EGF: variants seen among roughly 807,000 people sequenced by gnomAD.
EGF encodes the protein pro-epidermal growth factor.
Under a neutral mutation model 143.8 loss-of-function variants are expected in EGF, and 95 were observed. The ratio of observed to expected loss-of-function variants is 0.66; its 90% CI spans 0.56 to 0.78. The LOEUF is 0.78. EGF is among the 30% of genes least tolerant of loss of function. The probability of loss-of-function intolerance (pLI) is 0.00; values close to 1 mark genes in which losing one functional copy is unlikely to be tolerated. For missense variants in EGF, 1,320 were observed against 1,470.9 expected (o/e 0.90, Z 1.68); for synonymous variants, 510 against 510.5 (o/e 1.00, Z 0.01).
At chr4:109,961,332 A>T (rs1745661374) in intron 7 of EGF, among the ~76,000 whole-genome samples, 1 of 152,232 alleles carries the variant, frequency 6.6e-6, no homozygotes. Flanking sequence ...TTCCTGGGTG[A>T]TGGAGTGAGA....
chr4:109,980,737 A>G, intron 14 of EGF, 89 bp from the exon 15 acceptor site: 3 of 1,452,484 alleles, frequency 2.1e-6, no homozygotes, highest in Non-Finnish European at 2.9e-6. Flanking sequence ...TAAAAGCTAT[A>G]GCTCCCTAAA....
chr4:110,008,720 C>A (rs375486836), intron 23 of EGF, among the ~76,000 whole-genome samples: 3 of 152,160 alleles, frequency 2.0e-5, no homozygotes, highest in African/African-American at 7.2e-5. Flanking sequence ...CTTAGCCAGA[C>A]GCCTGGCTGT....
At chr4:110,002,850 T>G (rs1490363129) in intron 21 of EGF, among the ~76,000 whole-genome samples, 2 of 152,154 alleles carry the variant, frequency 1.3e-5, no homozygotes, top group African/African-American at 4.8e-5. Context: ...GTGTCTGTTG[T>G]TCCTTTCTTT....
intron 23 of EGF, 142 bp downstream of exon 23, chr4:110,008,372 G>A (rs758048969): frequency 1.2e-5 from 13 of 1,049,402 alleles, no homozygotes; most frequent in Non-Finnish European, 1.7e-5. Flanking sequence ...TAGCTGGGCT[G>A]TATTGAAATG....
At chr4:109,914,489 A>T (rs1286550129) in intron 1 of EGF, among the ~76,000 whole-genome samples, 3 of 152,198 alleles carry the variant, frequency 2.0e-5, no homozygotes, top group Admixed American at 6.5e-5. Context: ...CTCTCCCATT[A>T]AGGAAGTTCC....
At chr4:109,949,422 G>C (rs543319300) in intron 5 of EGF, among the ~76,000 whole-genome samples, 8 of 152,152 alleles carry the variant, frequency 5.3e-5, no homozygotes, top group African/African-American at 1.4e-4. Context: ...AAAACCTTTC[G>C]GGGCCAAGTG....
At chr4:110,002,889 C>T (rs1405669041) in intron 21 of EGF, among the ~76,000 whole-genome samples, 1 of 152,120 alleles carries the variant, frequency 6.6e-6, no homozygotes, top group East Asian at 1.9e-4. Flanking sequence ...CATTTAGCTC[C>T]CACTTAGAAG....
chr4:109,917,175 C>G (rs1736809522), intron 1 of EGF, among the ~76,000 whole-genome samples: 2 of 152,234 alleles, frequency 1.3e-5, no homozygotes, highest in Admixed American at 6.5e-5. Context: ...TATTTTTGCC[C>G]ATGTGTGGAA....
Position 109,913,238 on chromosome 4 carries a change from A to C in EGF, c.-98A>C. Reference sequence around the variant, plus strand: ...TGCCCCAGGGCTGAGGCCTCCGCTCAGGCAGCCGCATCTGGGGTCAATCAT... The same window carrying C: ...TGCCCCAGGGCTGAGGCCTCCGCTCCGGCAGCCGCATCTGGGGTCAATCAT... On this transcript the variant is annotated 5_prime_UTR_variant, in exon 1 of 24. Coordinates refer to ENST00000265171, the MANE Select transcript of EGF (RefSeq NM_001963.6). The C allele has an allele frequency of 2.6e-6, 4 of 1,513,494 alleles. No homozygotes were observed. Among genetic ancestry groups the C allele is most frequent in the Non-Finnish European group, 2.7e-6 (3 of 1,096,204 alleles). 93.8% of individuals were successfully genotyped at this position (1,513,494 alleles called of 1,614,324 possible).
In EGF at chr4:109,994,803, TC is replaced by T. The variant is rs1196056356; in HGVS notation, c.2932del (p.Leu978CysfsTer40). The T allele has an allele frequency of 1.2e-6, 2 of 1,614,102 alleles. No individual in the cohort carries two copies. Among genetic ancestry groups the T allele is most frequent in the South Asian group, 2.2e-5 (2 of 91,074 alleles). ...CCGTAAGAAATAGTGACTCTGAATG[TC>T]CCCTGTCCCACGATGGGTACTGCCT... ...YSVRNSDSECPLSHDGYCLHD... is the reference protein window; with the variant it reads ...YSVRNSDSECXLSHDGYCLHD... On this transcript the variant is annotated frameshift_variant, in exon 20 of 24. Coordinates refer to ENST00000265171, the MANE Select transcript of EGF (RefSeq NM_001963.6). LOFTEE classifies it high-confidence loss of function.
intron 21 of EGF, among the ~76,000 whole-genome samples, chr4:110,002,956 C>T (rs1014142750): frequency 1.3e-5 from 2 of 152,184 alleles, no homozygotes; most frequent in Non-Finnish European, 2.9e-5. Context: ...AGAATAATAG[C>T]CTCCAGCTCC....
In EGF at chr4:109,943,875, C is replaced by T. The variant is rs1742350568; in HGVS notation, c.543C>T (p.Ser181=). Residue 181 remains serine (S), a synonymous_variant, in exon 4 of 24, where the codon AGC becomes AGT. Transcript: ENST00000265171. ...TTTGGTCTTCAGAGGTGGCTGGAAGCCTTTATAGAGCAGATCTCGATGGTG... is the reference window on the plus strand; with the variant it reads ...TTTGGTCTTCAGAGGTGGCTGGAAGTCTTTATAGAGCAGATCTCGATGGTG... ...FIFWSSEVAG[S]LYRADLDGVG... is the part of the protein sequence containing the mutation. The T allele has an allele frequency of 1.9e-6, 3 of 1,613,930 alleles. No homozygotes were observed. The highest frequency in any genetic ancestry group is 1.7e-5 in the Admixed American group (1 of 59,984).
intron 19 of EGF, among the ~76,000 whole-genome samples, chr4:109,993,665 G>T (rs1751360604): frequency 6.6e-6 from 1 of 151,916 alleles, no homozygotes; most frequent in African/African-American, 2.4e-5. Flanking sequence ...GTCAATTTGT[G>T]GGGCTGCTGG....
intron 18 of EGF, among the ~76,000 whole-genome samples, chr4:109,989,893 C>T (rs1214608218): frequency 6.6e-6 from 1 of 152,076 alleles, no homozygotes; most frequent in East Asian, 1.9e-4. Context: ...AGTGGGCTTG[C>T]TCCTCTATTC....
intron 18 of EGF, among the ~76,000 whole-genome samples, chr4:109,991,195 T>C (rs1411178745): frequency 6.8e-6 from 1 of 147,952 alleles, no homozygotes; most frequent in Admixed American, 6.7e-5. Flanking sequence ...TGTATTCAAA[T>C]ATATCCAAAA....
At position 109,960,814 on chromosome 4, in the gene EGF, A is replaced by G. The variant is rs11568936; in HGVS notation, c.1067-53A>G. On this transcript the variant is annotated intron_variant, in intron 6 of 23. Transcript: ENST00000265171. ...GTGATGACTTATTAGTGATAGCACAATTTATTTTCAAAAATAGCCATTTGA... is the reference window on the plus strand; with the variant it reads ...GTGATGACTTATTAGTGATAGCACAGTTTATTTTCAAAAATAGCCATTTGA... 160 of 1,611,102 alleles carry G rather than the reference A, an allele frequency of 9.9e-5. 1 individual carries two copies. In the African/African-American group the frequency reaches 1.7e-3, roughly 17 times the overall value.
At chr4:109,928,225 A>G (rs1334086448) in intron 1 of EGF, among the ~76,000 whole-genome samples, 1 of 152,220 alleles carries the variant, frequency 6.6e-6, no homozygotes, top group East Asian at 1.9e-4. Flanking sequence ...TGTTGGACCA[A>G]TTAGACATCT....
At chr4:110,004,927 G>A (rs999478015) in intron 22 of EGF, among the ~76,000 whole-genome samples, 16 of 151,704 alleles carry the variant, frequency 1.1e-4, no homozygotes, top group African/African-American at 3.6e-4. Flanking sequence ...TTATGTGAAG[G>A]CTTTCCATAT....
intron 1 of EGF, among the ~76,000 whole-genome samples, chr4:109,922,594 C>A (rs925501295): frequency 2.6e-5 from 4 of 151,660 alleles, no homozygotes; most frequent in Non-Finnish European, 5.9e-5. Context: ...GTTCTTTATA[C>A]AGTGGGTTGA....
Sources: gnomAD v4.1 joint callset for allele counts (sites outside exome capture counted in the v4.1 genomes callset) on GRCh38, gnomAD v4.1.1 for gene constraint, MANE v1.5 for transcripts, NCBI Gene and HGNC (gene_info 2026-07-23, HGNC 2026-07-21) for gene names.